The following PCDH9 variants were observed in gnomAD, a reference collection of about 807,000 sequenced individuals.
The protein encoded by PCDH9 is protocadherin 9.
A neutral mutation model predicts 70.6 loss-of-function variants in PCDH9; 24 were observed. That is an observed-to-expected ratio of 0.34 (90% CI 0.25 to 0.48). The LOEUF (loss-of-function observed/expected upper bound fraction) is 0.48. Ranked by LOEUF, PCDH9 falls within the 20% of genes least tolerant of loss-of-function variation. The pLI is 0.99. For synonymous variants in PCDH9, 562 were observed against 558.5 expected (o/e 1.01, Z -0.09); for missense variants, 1,281 against 1,503.6 (o/e 0.85, Z 2.45).
At chr13:66,643,510 TTTAG>T (rs1272001526) in intron 3 of PCDH9, among the ~76,000 whole-genome samples, 3 of 152,044 alleles carry the variant, frequency 2.0e-5, no homozygotes, top group Non-Finnish European at 4.4e-5. Flanking sequence ...CCTATGGCTT[TTTAG>T]TTAGTCTGTC....
chr13:66,455,899 A>C (rs918460336), intron 4 of PCDH9, among the ~76,000 whole-genome samples: 2 of 152,154 alleles, frequency 1.3e-5, no homozygotes, highest in African/African-American at 2.4e-5. Flanking sequence ...TTTTAGTCTA[A>C]AGGTAAGAGA....
At chr13:66,680,090 A>G (rs1307221437) in intron 3 of PCDH9, among the ~76,000 whole-genome samples, 1 of 151,892 alleles carries the variant, frequency 6.6e-6, no homozygotes, top group Non-Finnish European at 1.5e-5. Context: ...TCCTTTGGCA[A>G]TATTTATGGG....
chr13:66,558,197 T>C (rs1961826411), intron 4 of PCDH9, among the ~76,000 whole-genome samples: 1 of 152,158 alleles, frequency 6.6e-6, no homozygotes, highest in African/African-American at 2.4e-5. Context: ...CCACTATTTC[T>C]TTCACATTCA....
chr13:66,654,382 A>T (rs1381629846), intron 3 of PCDH9, among the ~76,000 whole-genome samples: 3 of 152,112 alleles, frequency 2.0e-5, no homozygotes, highest in African/African-American at 7.2e-5. Flanking sequence ...ATTAGAAAGG[A>T]TGAATATAAT....
intron 4 of PCDH9, among the ~76,000 whole-genome samples, chr13:66,378,694 G>T (rs900764705): frequency 6.6e-6 from 1 of 152,064 alleles, no homozygotes; most frequent in Non-Finnish European, 1.5e-5. Context: ...TATTACATAG[G>T]AAAGATCTAG....
At chr13:66,930,544 C>T (rs1203532176) in intron 2 of PCDH9, among the ~76,000 whole-genome samples, 1 of 151,910 alleles carries the variant, frequency 6.6e-6, no homozygotes, top group East Asian at 1.9e-4. Flanking sequence ...TTTATGAAAC[C>T]ATTTTTACAA....
At chr13:66,584,637 T>C (rs1403640939) in intron 4 of PCDH9, among the ~76,000 whole-genome samples, 6 of 152,158 alleles carry the variant, frequency 3.9e-5, no homozygotes, top group African/African-American at 1.2e-4. Context: ...TCTGGAAAAA[T>C]ATAATTTAAA....
At chr13:67,229,355 C>T (rs1279300648) in intron 1 of PCDH9, among the ~76,000 whole-genome samples, 1 of 152,218 alleles carries the variant, frequency 6.6e-6, no homozygotes, top group African/African-American at 2.4e-5. Context: ...ACGCAGCTAA[C>T]ATTCCCATGT....
rs117717269 is a variant in PCDH9 at position 67,127,784 on chromosome 13, G to A, written c.3036+97621C>T. On this transcript the variant is annotated intron_variant, in intron 2 of 4. Coordinates refer to ENST00000377865, the MANE Select transcript of PCDH9 (RefSeq NM_203487.3). ...TGCCTTTTCTAATTGCACTAGTGTGGATACCAGCAACTCATGTCATCTGTT... is the reference window on the plus strand; with the variant it reads ...TGCCTTTTCTAATTGCACTAGTGTGAATACCAGCAACTCATGTCATCTGTT... Among the ~76,000 whole-genome samples, 1,035 of 150,288 alleles carry A rather than the reference G, an allele frequency of 6.9e-3. 38 individuals are homozygous for A. In the South Asian group the frequency reaches 0.07, roughly 10 times the overall value.
intron 3 of PCDH9, among the ~76,000 whole-genome samples, chr13:66,893,611 T>C (rs556660781): frequency 6.6e-6 from 1 of 152,182 alleles, no homozygotes; most frequent in South Asian, 2.1e-4. Flanking sequence ...TTGTCAGTGG[T>C]TTTCAAACTT....
At chr13:66,702,467 G>T (rs1773633220) in intron 3 of PCDH9, among the ~76,000 whole-genome samples, 1 of 152,108 alleles carries the variant, frequency 6.6e-6, no homozygotes, top group South Asian at 2.1e-4. Context: ...GGTTATGTGG[G>T]ATAAATAACT....
chr13:66,699,253 A>C (rs908250691), intron 3 of PCDH9, among the ~76,000 whole-genome samples: 1 of 152,078 alleles, frequency 6.6e-6, no homozygotes, highest in Non-Finnish European at 1.5e-5. Context: ...TTAGCACAAC[A>C]GGAAATAATT....
intron 3 of PCDH9, among the ~76,000 whole-genome samples, chr13:66,897,294 T>C (rs115563578): frequency 0.017 from 2,644 of 151,986 alleles, 76 homozygotes; most frequent in African/African-American, 0.059. Flanking sequence ...GACAGATTAA[T>C]ATATGACTCA....
chr13:66,699,591 C>T (rs527281480), intron 3 of PCDH9, among the ~76,000 whole-genome samples: 1 of 152,040 alleles, frequency 6.6e-6, no homozygotes, highest in Admixed American at 6.5e-5. Flanking sequence ...ATCCAAGAAA[C>T]GCCATGGTTG....
chr13:66,790,990 T>G, intron 3 of PCDH9, among the ~76,000 whole-genome samples: 1 of 152,128 alleles, frequency 6.6e-6, no homozygotes, highest in East Asian at 1.9e-4. Context: ...AGACAATTTC[T>G]AAACAGGCGA....
At chr13:66,347,993 A>G in intron 4 of PCDH9, among the ~76,000 whole-genome samples, 1 of 152,208 alleles carries the variant, frequency 6.6e-6, no homozygotes. Context: ...GCCTCAGTTC[A>G]GTCCTAATCA....
chr13:67,101,947 A>T (rs1399587277), intron 2 of PCDH9, among the ~76,000 whole-genome samples: 1 of 152,114 alleles, frequency 6.6e-6, no homozygotes, highest in Admixed American at 6.5e-5. Flanking sequence ...AAAATTTCTA[A>T]ATCTCCCCAG....
At position 66,705,535 on chromosome 13, in the gene PCDH9, A is replaced by C. The variant is rs75223231; in HGVS notation, c.3139-74124T>G. ...ATCTATTTTAGTAAGAGAAGTTTGA[A>C]AGTGCCTGAGATTTGGTATAATGCG... On this transcript the variant is annotated intron_variant, in intron 3 of 4. Coordinates refer to ENST00000377865, the MANE Select transcript of PCDH9 (RefSeq NM_203487.3). Among the ~76,000 whole-genome samples, 1,075 of 152,312 alleles carry C rather than the reference A, an allele frequency of 7.1e-3. 3 individuals carry two copies. Among genetic ancestry groups the C allele is most frequent in the African/African-American group, 0.015 (631 of 41,584 alleles).
At chr13:66,512,969 C>A (rs1959554134) in intron 4 of PCDH9, among the ~76,000 whole-genome samples, 1 of 152,090 alleles carries the variant, frequency 6.6e-6, no homozygotes, top group South Asian at 2.1e-4. Flanking sequence ...GCTGGGACTA[C>A]AAGCACACAC....
Sources: gnomAD v4.1 joint callset for allele counts (sites outside exome capture counted in the v4.1 genomes callset) on GRCh38, gnomAD v4.1.1 for gene constraint, MANE v1.5 for transcripts, NCBI Gene and HGNC (gene_info 2026-07-23, HGNC 2026-07-21) for gene names.